Variants in EAF1 observed in about 807,000 individuals in gnomAD.
EAF1 encodes the protein ELL-associated factor 1.
In EAF1, 19 loss-of-function variants were observed where a neutral mutation model predicts 26.6. That is an observed-to-expected ratio of 0.71 (90% CI 0.50 to 1.05). EAF1 has a LOEUF of 1.05. Ranked by LOEUF, EAF1 falls within the 50% of genes least tolerant of loss-of-function variation. The pLI is 0.00. For synonymous variants in EAF1, 102 were observed against 120.6 expected (o/e 0.85, Z 1.01); for missense variants, 260 against 335.5 (o/e 0.78, Z 1.76).
At chr3:15,436,044 GTAGA>G in intron 4 of EAF1, 1 of 193,536 alleles carries the variant, frequency 5.2e-6, no homozygotes. Context: ...TTTTCTTTTA[GTAGA>G]TAAAGGCAAA....
chr3:15,434,503 C>A lies in EAF1; in HGVS notation c.491C>A (p.Pro164His). Reference protein sequence around the residue: ...GPKTSPLKDNPSPEPQLDDIK... With the variant: ...GPKTSPLKDNHSPEPQLDDIK... ...AAAACTTCTCCCTTGAAAGATAACC[C>A]CTCACCTGAACCTCAGTTGGATGAC... Residue 164 changes from proline to histidine, a missense_variant, in exon 4 of 6, where the codon CCC becomes CAC. Coordinates refer to ENST00000396842, the MANE Select transcript of EAF1 (RefSeq NM_033083.7). The A allele has an allele frequency of 6.2e-7, 1 of 1,614,152 alleles. No individual in the cohort carries two copies. The highest frequency in any genetic ancestry group is 8.5e-7 in the Non-Finnish European group (1 of 1,180,028).
At position 15,441,200 on chromosome 3, in the gene EAF1, T is replaced by C. The variant is rs1386030253; in HGVS notation, c.*2045T>C. 1 of 153,810 alleles carries C rather than the reference T, an allele frequency of 6.5e-6. No individual in the cohort carries two copies. The highest frequency in any genetic ancestry group is 1.5e-5 in the Non-Finnish European group (1 of 68,094). The allele number at this position is 153,810 out of a possible 1,614,324, so 9.5% of individuals were successfully genotyped here. A position where few individuals can be genotyped will look rare whatever the true frequency, so the allele number is the denominator to read the frequency against. Reference sequence around the variant, plus strand: ...TGGTTTTTCTCTAGCACGGCTTCAATTTTGTTCTCTGCACAAAGCCTTTGG... The same window carrying C: ...TGGTTTTTCTCTAGCACGGCTTCAACTTTGTTCTCTGCACAAAGCCTTTGG... On this transcript the variant is annotated 3_prime_UTR_variant, in exon 6 of 6. Transcript: ENST00000396842.
intron 5 of EAF1, among the ~76,000 whole-genome samples, chr3:15,437,519 G>A (rs1311578163): frequency 6.6e-6 from 1 of 151,712 alleles, no homozygotes; most frequent in Non-Finnish European, 1.5e-5. Context: ...AACTCCTCCT[G>A]GGTACAAGTA....
chr3:15,436,295 C>A, intron 4 of EAF1, 47 bp from the exon 5 acceptor site: 1 of 1,459,176 alleles, frequency 6.9e-7, no homozygotes, highest in Non-Finnish European at 9.4e-7. Flanking sequence ...AATGCACTGC[C>A]TTGAAAAGGG....
In EAF1 at chr3:15,441,082, A is replaced by G. The variant is rs918472407; in HGVS notation, c.*1927A>G. 3.3e-5 allele frequency: 5 copies of G among 152,602 alleles called. No individual in the cohort carries two copies. Among genetic ancestry groups the G allele is most frequent in the Admixed American group, 6.5e-5 (1 of 15,282 alleles). 9.5% of individuals were successfully genotyped at this position (152,602 alleles called of 1,614,324 possible). A position where few individuals can be genotyped will look rare whatever the true frequency, so the allele number is the denominator to read the frequency against. On this transcript the variant is annotated 3_prime_UTR_variant, in exon 6 of 6. Coordinates refer to ENST00000396842, the MANE Select transcript of EAF1 (RefSeq NM_033083.7). Reference sequence around the variant, plus strand: ...GCATGTTGGGTCAAGACGTGTTTCTATAGGAAATGCTTGCACGTGGCACTG... The same window carrying G: ...GCATGTTGGGTCAAGACGTGTTTCTGTAGGAAATGCTTGCACGTGGCACTG...
At chr3:15,434,592 T>G in intron 4 of EAF1, 54 bp downstream of exon 4, 2 of 1,591,690 alleles carry the variant, frequency 1.3e-6, no homozygotes, top group South Asian at 2.3e-5. Flanking sequence ...GTGCTGAATT[T>G]TCTTGTGGAG....
chr3:15,432,744 T>C (rs2061809767), intron 3 of EAF1, among the ~76,000 whole-genome samples: 1 of 152,138 alleles, frequency 6.6e-6, no homozygotes. Context: ...ATTCATTCTA[T>C]AAATAGAAAT....
At chr3:15,436,710 A>C in intron 5 of EAF1, 135 bp downstream of exon 5, 1 of 687,304 alleles carries the variant, frequency 1.5e-6, no homozygotes, top group Non-Finnish European at 2.3e-6. Context: ...TGGAGCAGAA[A>C]GGTGTGAGTT....
At chr3:15,432,345 C>A in intron 3 of EAF1, 122 bp downstream of exon 3, 2 of 1,217,732 alleles carry the variant, frequency 1.6e-6, no homozygotes, top group Non-Finnish European at 2.3e-6. Flanking sequence ...TTAACACTAC[C>A]TGTGCTCAGA....
In EAF1 at chr3:15,427,795, A is replaced by G; in HGVS notation, c.16A>G (p.Asn6Asp). Reference protein sequence around the residue: MNGTANPLLDREEHCL... With the variant: MNGTADPLLDREEHCL... Reference sequence around the variant, plus strand: ...GTGCGGGGCCATGAATGGGACCGCAAACCCGCTGCTGGACCGCGAGGAACA... The same window carrying G: ...GTGCGGGGCCATGAATGGGACCGCAGACCCGCTGCTGGACCGCGAGGAACA... The change falls in exon 1 of 6, where the codon AAC becomes GAC. Residue 6 changes from asparagine to aspartate, a missense_variant. Asn to Asp is a conservative substitution (Grantham distance 23). Coordinates refer to ENST00000396842, the MANE Select transcript of EAF1 (RefSeq NM_033083.7). 2 of 1,551,408 alleles carry G rather than the reference A, an allele frequency of 1.3e-6. No homozygotes were observed. The highest frequency in any genetic ancestry group is 1.7e-6 in the Non-Finnish European group (2 of 1,146,886).
Position 15,439,339 on chromosome 3 carries a change from C to G in EAF1, c.*184C>G. On this transcript the variant is annotated 3_prime_UTR_variant, in exon 6 of 6. Transcript: ENST00000396842. ...GTGGTGATGGGTGATTTTCTCGTGT[C>G]ATTTTTGAACAATCTCATCTTTCAA... The G allele has an allele frequency of 2.1e-6, 1 of 485,386 alleles. No individual in the cohort carries two copies. Among genetic ancestry groups the G allele is most frequent in the Non-Finnish European group, 3.6e-6 (1 of 274,800 alleles). 30.1% of individuals were successfully genotyped at this position (485,386 alleles called of 1,614,324 possible).
In EAF1 at chr3:15,437,945, C is replaced by A. The variant is rs74334969; in HGVS notation, c.761-1164C>A. On this transcript the variant is annotated intron_variant, in intron 5 of 5. Transcript: ENST00000396842. ...AGATGCCAGTACCAGTCTCTTCCCA[C>A]CTCCCCAGCCCCATGACAACCAAAA... Among the ~76,000 whole-genome samples the A allele has an allele frequency of 2.4e-3, 373 of 152,278 alleles. 2 individuals carry two copies. The highest frequency in any genetic ancestry group is 8.6e-3 in the African/African-American group (358 of 41,548).
chr3:15,430,735 A>G (rs942425266), intron 2 of EAF1, among the ~76,000 whole-genome samples: 2 of 152,210 alleles, frequency 1.3e-5, no homozygotes, highest in African/African-American at 4.8e-5. Context: ...CTAAATTGAA[A>G]GCTGGATTAA....
chr3:15,432,571 ATACTT>A (rs2061808073), intron 3 of EAF1, among the ~76,000 whole-genome samples: 1 of 152,232 alleles, frequency 6.6e-6, no homozygotes, highest in Admixed American at 6.5e-5. Context: ...AATATATACT[ATACTT>A]AACTGGAGTG....
In EAF1 at chr3:15,428,283, T is replaced by A. The variant is rs2061770280; in HGVS notation, c.103+401T>A. Among the ~76,000 whole-genome samples the A allele has an allele frequency of 3.3e-5, 5 of 151,132 alleles. 1 individual carries two copies. In the South Asian group the frequency reaches 1.0e-3, roughly 32 times the overall value. Reference sequence around the variant, plus strand: ...CTTTCCGATGCTCCCATCAGGGTTCTCCACATTTAAAAGACGCTTCTTGTT... The same window carrying A: ...CTTTCCGATGCTCCCATCAGGGTTCACCACATTTAAAAGACGCTTCTTGTT... On this transcript the variant is annotated intron_variant, in intron 1 of 5. Transcript: ENST00000396842.
chr3:15,436,270 A>G lies in EAF1; in HGVS notation c.527-72A>G. The G allele has an allele frequency of 3.4e-6, 4 of 1,184,238 alleles. No homozygotes were observed. The East Asian group carries it at 1.0e-4, about 30-fold the overall frequency. 73.4% of individuals were successfully genotyped at this position (1,184,238 alleles called of 1,614,324 possible). A position where few individuals can be genotyped will look rare whatever the true frequency, so the allele number is the denominator to read the frequency against. On this transcript the variant is annotated intron_variant, in intron 4 of 5. Transcript: ENST00000396842. ...TTGCTGTTGGTTTTGCTGATTTACT[A>G]TTTATAGAAGCTCCAATGCACTGCC...
intron 3 of EAF1, chr3:15,433,233 TAAAAAAAAA>T (rs11328510): frequency 1.1e-5 from 1 of 94,134 alleles, no homozygotes; most frequent in African/African-American, 3.8e-5. Context: ...TGCTATTATC[TAAAAAAAAA>T]AAAAAAAAAA....
At chr3:15,438,427 C>T (rs975375949) in intron 5 of EAF1, among the ~76,000 whole-genome samples, 9 of 151,822 alleles carry the variant, frequency 5.9e-5, no homozygotes, top group African/African-American at 1.5e-4. Context: ...GGAAGCCTAC[C>T]GGATATTTTC....
rs931092889 is a variant in EAF1, at chr3:15,440,757, C to G, written c.*1602C>G. On this transcript the variant is annotated 3_prime_UTR_variant, in exon 6 of 6. Coordinates refer to ENST00000396842, the MANE Select transcript of EAF1 (RefSeq NM_033083.7). ...CTACGCTAGGACCCCGTGCTGGGCT[C>G]TCAGCCCATCATGAGATTTTGGTGG... The G allele has an allele frequency of 1.1e-4, 17 of 152,750 alleles. No individual in the cohort carries two copies. The highest frequency in any genetic ancestry group is 4.1e-4 in the African/African-American group (17 of 41,564). The allele number at this position is 152,750 out of a possible 1,614,324, so 9.5% of individuals were successfully genotyped here.
Sources: gnomAD v4.1 joint callset for allele counts (sites outside exome capture counted in the v4.1 genomes callset) on GRCh38, gnomAD v4.1.1 for gene constraint, MANE v1.5 for transcripts, NCBI Gene and HGNC (gene_info 2026-07-23, HGNC 2026-07-21) for gene names.